Variants in PXDNL observed in about 807,000 individuals in gnomAD.
PXDNL encodes peroxidasin like, also known as probable oxidoreductase PXDNL.
A neutral mutation model predicts 150.8 loss-of-function variants in PXDNL; 145 were observed. The ratio of observed to expected loss-of-function variants is 0.96; its 90% CI spans 0.84 to 1.10. The LOEUF (loss-of-function observed/expected upper bound fraction) is 1.10. Ranked by LOEUF, PXDNL falls within the 50% of genes least tolerant of loss-of-function variation. PXDNL has a pLI of 0.00. For synonymous variants in PXDNL, 757 were observed against 725.7 expected, an observed-to-expected ratio of 1.04 and a Z score of -0.69; for missense variants, 2,087 against 1,873.9, an observed-to-expected ratio of 1.11 and a Z score of -2.10.
At chr8:51,782,281 C>A (rs2037422870) in intron 1 of PXDNL, among the ~76,000 whole-genome samples, 2 of 152,134 alleles carry the variant, frequency 1.3e-5, no homozygotes, top group African/African-American at 4.8e-5. Context: ...GCAGTCACAG[C>A]ACCTCCAGGT....
In PXDNL at chr8:51,466,414, C is replaced by G. The variant is rs181121174; in HGVS notation, c.812+5773G>C. Among the ~76,000 whole-genome samples, 4 of 152,162 alleles carry G rather than the reference C, an allele frequency of 2.6e-5. No individual in the cohort carries two copies. The East Asian group carries it at 7.7e-4, about 29-fold the overall frequency. ...AAATCAACTCAGGATGGATTAAAGA[C>G]TTAAATATAAGACCTCAAACTGTAA... On this transcript the variant is annotated intron_variant, in intron 8 of 22. Coordinates refer to ENST00000356297, the MANE Select transcript of PXDNL (RefSeq NM_144651.5).
chr8:51,780,006 G>T, intron 1 of PXDNL, among the ~76,000 whole-genome samples: 1 of 152,030 alleles, frequency 6.6e-6, no homozygotes, highest in Non-Finnish European at 1.5e-5. Context: ...GAGGTCAGTA[G>T]TTCAAGACCA....
At chr8:51,620,747 G>C (rs1290776779) in intron 2 of PXDNL, among the ~76,000 whole-genome samples, 1 of 151,898 alleles carries the variant, frequency 6.6e-6, no homozygotes, top group Non-Finnish European at 1.5e-5. Flanking sequence ...AGGTTTCCTC[G>C]TGTTGCCCAG....
chr8:51,506,547 A>G (rs1369035571), intron 4 of PXDNL, among the ~76,000 whole-genome samples: 1 of 150,082 alleles, frequency 6.7e-6, no homozygotes, highest in Non-Finnish European at 1.5e-5. Flanking sequence ...TCTCAAAAAA[A>G]AAAAAAAAAA....
intron 1 of PXDNL, among the ~76,000 whole-genome samples, chr8:51,769,957 G>C (rs2037273888): frequency 6.6e-6 from 1 of 152,146 alleles, no homozygotes; most frequent in Non-Finnish European, 1.5e-5. Context: ...ACTTTTTGAG[G>C]TCAGAGGGCC....
At chr8:51,400,963 A>G (rs1008272010) in intron 17 of PXDNL, among the ~76,000 whole-genome samples, 2 of 152,252 alleles carry the variant, frequency 1.3e-5, no homozygotes, top group Non-Finnish European at 2.9e-5. Context: ...TTGGAAAATT[A>G]AAATGAGTCT....
At chr8:51,461,280 C>G (rs1810075967) in intron 8 of PXDNL, among the ~76,000 whole-genome samples, 2 of 152,194 alleles carry the variant, frequency 1.3e-5, no homozygotes, top group Non-Finnish European at 2.9e-5. Context: ...TGTTCTGGCA[C>G]AGGAGCTGGG....
intron 2 of PXDNL, among the ~76,000 whole-genome samples, chr8:51,627,293 T>C (rs1236053737): frequency 1.3e-5 from 2 of 152,100 alleles, no homozygotes; most frequent in African/African-American, 2.4e-5. Context: ...AAAGATAAAA[T>C]CAAGACACTT....
chr8:51,716,783 G>A (rs1816623770), intron 1 of PXDNL, among the ~76,000 whole-genome samples: 2 of 152,330 alleles, frequency 1.3e-5, no homozygotes, highest in South Asian at 4.1e-4. Context: ...TGCACCCCTA[G>A]CTCCTGTAAT....
intron 8 of PXDNL, among the ~76,000 whole-genome samples, chr8:51,470,076 T>C (rs1810289714): frequency 6.6e-6 from 1 of 152,128 alleles, no homozygotes. Flanking sequence ...TGAGTATCTT[T>C]GTAACCTTGA....
At chr8:51,751,467 C>A (rs970085201) in intron 1 of PXDNL, among the ~76,000 whole-genome samples, 1 of 152,170 alleles carries the variant, frequency 6.6e-6, no homozygotes, top group Non-Finnish European at 1.5e-5. Flanking sequence ...AATGAATTGG[C>A]GTGTTTATTT....
intron 1 of PXDNL, among the ~76,000 whole-genome samples, chr8:51,729,697 G>A (rs1047414413): frequency 6.6e-6 from 1 of 152,210 alleles, no homozygotes; most frequent in Admixed American, 6.5e-5. Flanking sequence ...GCACACAGAT[G>A]TTTATAGAAG....
intron 4 of PXDNL, among the ~76,000 whole-genome samples, chr8:51,512,677 T>C (rs1164783958): frequency 6.6e-6 from 1 of 152,220 alleles, no homozygotes; most frequent in African/African-American, 2.4e-5. Context: ...CAACTAATGA[T>C]GTTTTGTTGA....
intron 4 of PXDNL, among the ~76,000 whole-genome samples, chr8:51,541,557 T>C (rs941579544): frequency 2.6e-5 from 4 of 152,180 alleles, no homozygotes; most frequent in Non-Finnish European, 4.4e-5. Context: ...AGTAGTTTCC[T>C]CCGACACGTG....
intron 4 of PXDNL, among the ~76,000 whole-genome samples, chr8:51,519,169 AG>A (rs2130375683): frequency 6.6e-6 from 1 of 152,362 alleles, no homozygotes; most frequent in Non-Finnish European, 1.5e-5. Flanking sequence ...AAAAAATTAA[AG>A]TAAGATAAAA....
At chr8:51,607,912 G>GGGAA (rs1213717577) in intron 2 of PXDNL, among the ~76,000 whole-genome samples, 1 of 129,544 alleles carries the variant, frequency 7.7e-6, no homozygotes, top group Non-Finnish European at 1.6e-5. Flanking sequence ...GAGGGAGGGA[G>GGGAA]GGAAGGAAGG....
intron 21 of PXDNL, among the ~76,000 whole-genome samples, chr8:51,328,115 C>T (rs532325876): frequency 2.0e-5 from 3 of 152,226 alleles, no homozygotes; most frequent in Non-Finnish European, 4.4e-5. Flanking sequence ...ACACAAATAG[C>T]AGCCTCCCAG....
intron 8 of PXDNL, among the ~76,000 whole-genome samples, chr8:51,458,974 C>A (rs927729500): frequency 6.6e-6 from 1 of 152,068 alleles, no homozygotes; most frequent in African/African-American, 2.4e-5. Context: ...AAAAGAAATT[C>A]GAGTTGTCAT....
chr8:51,484,235 G>A (rs747339943), intron 5 of PXDNL, among the ~76,000 whole-genome samples: 6 of 151,992 alleles, frequency 3.9e-5, no homozygotes, highest in Non-Finnish European at 8.8e-5. Flanking sequence ...CCAGGAGTTC[G>A]AGACCAGCCT....
Sources: gnomAD v4.1 joint callset for allele counts (sites outside exome capture counted in the v4.1 genomes callset) on GRCh38, gnomAD v4.1.1 for gene constraint, MANE v1.5 for transcripts, NCBI Gene and HGNC (gene_info 2026-07-23, HGNC 2026-07-21) for gene names.